BRPF3: variants seen among roughly 807,000 people sequenced by gnomAD.
BRPF3 encodes the protein bromodomain and PHD finger containing 3.
BRPF3 carries 18 observed loss-of-function variants against 102.0 expected under a neutral mutation model. The observed-to-expected ratio is 0.18, with a 90% CI of 0.12 to 0.26. The LOEUF (loss-of-function observed/expected upper bound fraction) is 0.26, where lower values mean the gene tolerates loss of function less well. Among genes scored for constraint, BRPF3 ranks in the 10% least tolerant of loss-of-function variants. BRPF3 has a pLI of 1.00. For missense variants in BRPF3, 1,147 were observed against 1,567.8 expected, an observed-to-expected ratio of 0.73 and a Z score of 4.53; for synonymous variants, 570 against 614.2, an observed-to-expected ratio of 0.93 and a Z score of 1.06.
intron 4 of BRPF3, among the ~76,000 whole-genome samples, chr6:36,208,523 T>C (rs908785957): frequency 2.0e-5 from 3 of 152,228 alleles, no homozygotes; most frequent in Non-Finnish European, 2.9e-5. Context: ...AAATTCTAAT[T>C]CAGTGGTCAG....
chr6:36,232,143 A>G lies in BRPF3; in HGVS notation c.*1534A>G, dbSNP rs955150788. ...TTTAAAAGGGAACCAACAAAACACT[A>G]TAACTTAAAAGGATGGGGTTTTGGA... On this transcript the variant is annotated 3_prime_UTR_variant, in exon 13 of 13. Coordinates refer to ENST00000357641, the MANE Select transcript of BRPF3 (RefSeq NM_015695.3). 2.0e-5 allele frequency: 3 copies of G among 152,694 alleles called. No individual in the cohort carries two copies. The highest frequency in any genetic ancestry group is 6.5e-5 in the Admixed American group (1 of 15,288). 9.5% of individuals were successfully genotyped at this position (152,694 alleles called of 1,614,324 possible).
At chr6:36,218,572 G>T (rs1768417043) in intron 9 of BRPF3, among the ~76,000 whole-genome samples, 1 of 150,336 alleles carries the variant, frequency 6.7e-6, no homozygotes, top group South Asian at 2.1e-4. Context: ...TGATTCTCCT[G>T]CCTCTGCCTC....
intron 11 of BRPF3, among the ~76,000 whole-genome samples, chr6:36,225,722 T>G (rs1231470038): frequency 2.0e-5 from 3 of 152,212 alleles, no homozygotes; most frequent in African/African-American, 4.8e-5. Context: ...CTGAGGAAAG[T>G]ATGATTATTA....
intron 2 of BRPF3, among the ~76,000 whole-genome samples, chr6:36,203,744 GCCT>G (rs1249037285): frequency 6.6e-6 from 1 of 152,204 alleles, no homozygotes; most frequent in Non-Finnish European, 1.5e-5. Flanking sequence ...GAGCACTGAG[GCCT>G]TGCTTACCCT....
chr6:36,214,007 G>T lies in BRPF3; in HGVS notation c.2610G>T (p.Arg870Ser), dbSNP rs777275804. The change falls in exon 8 of 13, where the codon AGG (arginine) becomes AGT (serine). Residue 870 changes from arginine to serine, a missense_variant. By Grantham distance (110) the Arg-to-Ser change is moderately radical. Around this residue, in one of 11 missense-constraint regions of BRPF3, gnomAD observed 379 missense variants for 426.3 expected, o/e 0.89. Coordinates refer to ENST00000357641, the MANE Select transcript of BRPF3 (RefSeq NM_015695.3). ...KPINDSKPPS[R>S]FLKPRKVEED... Reference sequence around the variant, plus strand: ...TTAATGATAGCAAACCTCCAAGCAGGTTCCTAAAGCCCAGAAAGGTGGAAG... The same window carrying T: ...TTAATGATAGCAAACCTCCAAGCAGTTTCCTAAAGCCCAGAAAGGTGGAAG... 17 of 1,614,082 alleles carry T rather than the reference G, an allele frequency of 1.1e-5. No individual in the cohort carries two copies. Among genetic ancestry groups the T allele is most frequent in the Non-Finnish European group, 1.4e-5 (17 of 1,180,038 alleles).
chr6:36,204,194 G>GGGCTC (rs1434251110), intron 2 of BRPF3, among the ~76,000 whole-genome samples: 1 of 152,094 alleles, frequency 6.6e-6, no homozygotes, highest in Non-Finnish European at 1.5e-5. Context: ...GGGTTGCATT[G>GGGCTC]GGCTCAGCCT....
intron 11 of BRPF3, among the ~76,000 whole-genome samples, 189 bp downstream of exon 11, chr6:36,225,553 A>G (rs942403028): frequency 6.6e-6 from 1 of 152,200 alleles, no homozygotes; most frequent in Non-Finnish European, 1.5e-5. Context: ...AAAATAGGCT[A>G]AAAGTATGCA....
chr6:36,211,582 G>GC, intron 7 of BRPF3, 22 bp downstream of exon 7: 1 of 1,547,302 alleles, frequency 6.5e-7, no homozygotes, highest in Non-Finnish European at 8.7e-7. Flanking sequence ...TCACAGGCAG[G>GC]CAGGGGGTTG....
chr6:36,216,436 C>T (rs1366465716), intron 8 of BRPF3, among the ~76,000 whole-genome samples: 1 of 152,184 alleles, frequency 6.6e-6, no homozygotes, highest in Non-Finnish European at 1.5e-5. Flanking sequence ...ATCCCAGTTG[C>T]CTGGCACTCA....
intron 2 of BRPF3, 155 bp from the exon 3 acceptor site, chr6:36,204,503 C>A: frequency 1.3e-6 from 1 of 785,408 alleles, no homozygotes; most frequent in Non-Finnish European, 2.1e-6. Context: ...CTTTACTGTC[C>A]TTTTCAAGCC....
chr6:36,224,095 C>T lies in BRPF3; in HGVS notation c.3182-1172C>T, dbSNP rs556309282. The stretch of plus-strand genomic sequence containing the variant: ...TTACAAGTGGAGTTAAGCACAGTAG[C>T]TCATGCCTGTAATTCCAGCACTTTG... On this transcript the variant is annotated intron_variant, in intron 10 of 12. Transcript: ENST00000357641. Among the ~76,000 whole-genome samples the T allele has an allele frequency of 3.9e-5, 6 of 152,276 alleles. No individual in the cohort carries two copies. The South Asian group carries it at 1.2e-3, about 32-fold the overall frequency.
At chr6:36,225,518 G>A (rs1268813353) in intron 11 of BRPF3, among the ~76,000 whole-genome samples, 154 bp downstream of exon 11, 1 of 152,158 alleles carries the variant, frequency 6.6e-6, no homozygotes, top group Non-Finnish European at 1.5e-5. Flanking sequence ...GGTCAAACTA[G>A]CAAGGCTCCC....
intron 9 of BRPF3, among the ~76,000 whole-genome samples, chr6:36,218,738 C>T (rs1296763324): frequency 1.3e-5 from 2 of 152,122 alleles, no homozygotes; most frequent in African/African-American, 4.8e-5. Context: ...GAATTACAGG[C>T]GTGAGCCACT....
intron 11 of BRPF3, 101 bp downstream of exon 11, chr6:36,225,465 C>T: frequency 9.2e-7 from 1 of 1,083,166 alleles, no homozygotes; most frequent in Non-Finnish European, 1.3e-6. Flanking sequence ...GTCAGAGTGT[C>T]TTTAGCTGTA....
In BRPF3 at chr6:36,230,504, C is replaced by A. The variant is rs1354321218; in HGVS notation, c.3513C>A (p.Arg1171=). ...ACAAGCTCAAGATGCTGGAAGGCCG[C>A]AAGACCAGCATCCGCAAGTCAGTGC... ...TVDKLKMLEG[R]KTSIRKSVQV... The change falls in exon 13 of 13, where the codon CGC becomes CGA. Residue 1171 remains arginine (R), a synonymous_variant. Transcript: ENST00000357641. The surrounding 1 kb of genome is among the most constrained non-coding windows in gnomAD (Gnocchi z 5.4). 6.2e-7 allele frequency: 1 copy of A among 1,614,176 alleles called. No individual in the cohort carries two copies. Among genetic ancestry groups the A allele is most frequent in the Non-Finnish European group, 8.5e-7 (1 of 1,180,008 alleles).
At chr6:36,207,810 C>T (rs1174019732) in intron 4 of BRPF3, among the ~76,000 whole-genome samples, 2 of 152,226 alleles carry the variant, frequency 1.3e-5, no homozygotes, top group African/African-American at 2.4e-5. Flanking sequence ...CTGGGAACTT[C>T]TGAGGGTTCC....
chr6:36,227,833 G>C (rs977474464), intron 11 of BRPF3, among the ~76,000 whole-genome samples: 10 of 152,176 alleles, frequency 6.6e-5, no homozygotes, highest in Non-Finnish European at 1.2e-4. Flanking sequence ...CAGAACAGCT[G>C]CTTTCAGCTG....
At chr6:36,204,553 TC>T (rs1222121867) in intron 2 of BRPF3, 104 bp from the exon 3 acceptor site, 1 of 1,357,482 alleles carries the variant, frequency 7.4e-7, no homozygotes, top group Admixed American at 1.7e-5. Flanking sequence ...TATTCTGTCT[TC>T]CTGTATAAGG....
Position 36,210,575 on chromosome 6 carries a change from C to A in BRPF3, c.2179+47C>A. On this transcript the variant is annotated intron_variant, in intron 6 of 12. Transcript: ENST00000357641. This position sits in a 1 kb window ranked among gnomAD's most constrained non-coding sequence, Gnocchi z 4.7. ...GGAGGAGAGGGGCCAGGAGGAGGCA[C>A]AGGAACAGAGTCTACAGAGTGAGGG... is the stretch of plus-strand genomic sequence containing the variant. 6.5e-7 allele frequency: 1 copy of A among 1,528,968 alleles called. No homozygotes were observed. Among genetic ancestry groups the A allele is most frequent in the Non-Finnish European group, 8.8e-7 (1 of 1,139,310 alleles). The allele number at this position is 1,528,968 out of a possible 1,614,324, so 94.7% of individuals were successfully genotyped here.
Sources: allele counts gnomAD v4.1 joint callset (sites outside exome capture counted in the v4.1 genomes callset), GRCh38; gene constraint gnomAD v4.1.1; regional missense constraint gnomAD v4.1.1; non-coding constraint Gnocchi (gnomAD v3.1); transcripts MANE v1.5; gene names NCBI Gene and HGNC (gene_info 2026-07-23, HGNC 2026-07-21).